The following MAGI1 variants were observed in gnomAD, a reference collection of about 807,000 sequenced individuals.
The protein encoded by MAGI1 is membrane-associated guanylate kinase, WW and PDZ domain-containing protein 1.
MAGI1 carries 58 observed loss-of-function variants against 139.9 expected under a neutral mutation model. That is an observed-to-expected ratio of 0.41 (90% CI 0.34 to 0.52). The LOEUF (loss-of-function observed/expected upper bound fraction) is 0.52. Among genes scored for constraint, MAGI1 ranks in the 20% least tolerant of loss-of-function variants. The probability of loss-of-function intolerance (pLI) is 0.12; values close to 1 mark genes in which losing one functional copy is unlikely to be tolerated. For missense variants in MAGI1, 1,874 were observed against 1,901.6 expected, an observed-to-expected ratio of 0.99 and a Z score of 0.27; for synonymous variants, 812 against 737.9, an observed-to-expected ratio of 1.10 and a Z score of -1.63.
At chr3:65,447,578 T>C (rs1346188317) in intron 7 of MAGI1, among the ~76,000 whole-genome samples, 2 of 152,238 alleles carry the variant, frequency 1.3e-5, no homozygotes, top group East Asian at 3.8e-4. Flanking sequence ...GCTCCTATAA[T>C]GTTCCTTAAA....
chr3:65,894,180 C>T (rs1352961650), intron 1 of MAGI1, among the ~76,000 whole-genome samples: 1 of 152,134 alleles, frequency 6.6e-6, no homozygotes, highest in Non-Finnish European at 1.5e-5. Flanking sequence ...GTAAGAACAG[C>T]ATAATTTCTG....
intron 2 of MAGI1, among the ~76,000 whole-genome samples, chr3:65,611,056 C>A (rs776139624): frequency 1.7e-4 from 22 of 128,520 alleles, no homozygotes; most frequent in Admixed American, 3.4e-4. Flanking sequence ...TACATATATA[C>A]ATACATATAG....
chr3:66,023,447 G>A (rs2068067276), intron 1 of MAGI1, among the ~76,000 whole-genome samples: 2 of 152,140 alleles, frequency 1.3e-5, no homozygotes, highest in Non-Finnish European at 2.9e-5. Context: ...TCATCCTAGT[G>A]CAGCAAACCT....
intron 1 of MAGI1, among the ~76,000 whole-genome samples, chr3:65,663,302 T>C (rs574080065): frequency 6.6e-6 from 1 of 152,296 alleles, no homozygotes; most frequent in African/African-American, 2.4e-5. Context: ...ATCACAGCAT[T>C]GGTCAATTGC....
intron 5 of MAGI1, among the ~76,000 whole-genome samples, chr3:65,468,608 T>G (rs573989407): frequency 6.6e-6 from 1 of 151,938 alleles, no homozygotes; most frequent in Non-Finnish European, 1.5e-5. Flanking sequence ...AGTTCATGAC[T>G]TCAGGTGATC....
rs576539053 is a variant in MAGI1, at chr3:65,804,288, A to C, written c.314-182200T>G. Among the ~76,000 whole-genome samples the C allele has an allele frequency of 3.2e-3, 485 of 150,842 alleles. 4 individuals are homozygous for C. The highest frequency in any genetic ancestry group is 0.011 in the African/African-American group (464 of 41,012). ...GATGGCTTAGTAAAAAAAAAAAAAA[A>C]CACACACAGTGACATCAGAACATTA... On this transcript the variant is annotated intron_variant, in intron 1 of 22. Coordinates refer to ENST00000402939, the MANE Select transcript of MAGI1 (RefSeq NM_001033057.2).
At chr3:65,788,119 C>T (rs1481340982) in intron 1 of MAGI1, among the ~76,000 whole-genome samples, 1 of 152,200 alleles carries the variant, frequency 6.6e-6, no homozygotes, top group African/African-American at 2.4e-5. Context: ...TGAAACTCAA[C>T]TGTGCCCAAG....
chr3:65,719,050 C>T (rs1031893202), intron 1 of MAGI1, among the ~76,000 whole-genome samples: 5 of 143,940 alleles, frequency 3.5e-5, no homozygotes, highest in African/African-American at 5.1e-5. Context: ...ACAAAGCAAA[C>T]GCCCTAAATT....
Position 65,405,782 on chromosome 3 carries a change from A to T in MAGI1, c.2168-4312T>A, listed in dbSNP as rs12636349. On this transcript the variant is annotated intron_variant, in intron 12 of 22. Transcript: ENST00000402939. ...GCTAATTTTTGTATTTTTAGTAGAG[A>T]CGGGGTTTCACCATGTTGGTAAGGC... Among the ~76,000 whole-genome samples the T allele has an allele frequency of 8.8e-3, 680 of 77,270 alleles. 30 individuals carry two copies. The highest frequency in any genetic ancestry group is 0.029 in the South Asian group (45 of 1,530). 50.7% of individuals were successfully genotyped at this position (77,270 alleles called of 152,430 possible).
intron 2 of MAGI1, among the ~76,000 whole-genome samples, chr3:65,613,697 C>T (rs989502367): frequency 3.9e-5 from 6 of 152,126 alleles, no homozygotes; most frequent in Non-Finnish European, 5.9e-5. Context: ...TGGGAAAAGG[C>T]AAAAAATGTG....
chr3:65,588,930 C>T (rs1161788496), intron 2 of MAGI1, among the ~76,000 whole-genome samples: 3 of 152,098 alleles, frequency 2.0e-5, no homozygotes, highest in African/African-American at 7.2e-5. Flanking sequence ...TCACAACAGA[C>T]GCTAGGAACA....
chr3:65,864,554 C>A (rs1332469564), intron 1 of MAGI1, among the ~76,000 whole-genome samples: 1 of 152,216 alleles, frequency 6.6e-6, no homozygotes, highest in Non-Finnish European at 1.5e-5. Flanking sequence ...GCTACACTGG[C>A]CACATCCAGC....
intron 1 of MAGI1, among the ~76,000 whole-genome samples, chr3:65,624,764 A>G (rs2083875963): frequency 6.6e-6 from 1 of 152,240 alleles, no homozygotes; most frequent in Non-Finnish European, 1.5e-5. Flanking sequence ...AGGATTCTAT[A>G]CACGGGGCCT....
intron 1 of MAGI1, among the ~76,000 whole-genome samples, chr3:65,984,446 T>C (rs913863564): frequency 6.6e-6 from 1 of 152,016 alleles, no homozygotes; most frequent in Non-Finnish European, 1.5e-5. Flanking sequence ...TGATGACCAA[T>C]CTGCATGTTC....
chr3:65,541,806 C>T (rs1288937900), intron 2 of MAGI1, among the ~76,000 whole-genome samples: 1 of 152,146 alleles, frequency 6.6e-6, no homozygotes, highest in Non-Finnish European at 1.5e-5. Flanking sequence ...AAACCCACAA[C>T]AAATATCATG....
intron 1 of MAGI1, among the ~76,000 whole-genome samples, chr3:65,643,961 TC>T (rs2085119578): frequency 6.6e-6 from 1 of 152,070 alleles, no homozygotes; most frequent in African/African-American, 2.4e-5. Flanking sequence ...TCTCTTCTTC[TC>T]CCCACATCCC....
intron 1 of MAGI1, among the ~76,000 whole-genome samples, chr3:65,934,165 G>C (rs929448324): frequency 1.3e-5 from 2 of 151,574 alleles, no homozygotes; most frequent in Non-Finnish European, 2.9e-5. Context: ...TTCCTTCAAA[G>C]AGGTGAATCT....
At chr3:65,749,705 T>G (rs2035983724) in intron 1 of MAGI1, among the ~76,000 whole-genome samples, 1 of 126,622 alleles carries the variant, frequency 7.9e-6, no homozygotes, top group Admixed American at 7.9e-5. Flanking sequence ...AGGTCTAGTC[T>G]GAGTTAAAAA....
At chr3:65,813,779 T>G (rs570231413) in intron 1 of MAGI1, among the ~76,000 whole-genome samples, 2 of 152,326 alleles carry the variant, frequency 1.3e-5, no homozygotes, top group South Asian at 2.1e-4. Flanking sequence ...GAGATAATGG[T>G]GCCAATCTAA....
Sources: gnomAD v4.1 joint callset for allele counts (sites outside exome capture counted in the v4.1 genomes callset) on GRCh38, gnomAD v4.1.1 for gene constraint, MANE v1.5 for transcripts, NCBI Gene and HGNC (gene_info 2026-07-23, HGNC 2026-07-21) for gene names.